YBEY: variants seen among roughly 807,000 people sequenced by gnomAD.
YBEY encodes the protein ybeY metalloendoribonuclease, also known as endoribonuclease YbeY.
In YBEY, 15 loss-of-function variants were observed where a neutral mutation model predicts 13.5. The observed-to-expected ratio is 1.11, with a 90% CI of 0.75 to 1.72. The LOEUF (loss-of-function observed/expected upper bound fraction) is 1.72. YBEY is among the 40% of genes most tolerant of loss of function. YBEY has a pLI of 0.00. For missense variants in YBEY, 244 were observed against 208.4 expected (o/e 1.17, Z -1.05); for synonymous variants, 101 against 83.1 (o/e 1.21, Z -1.17).
At chr21:46,303,735 ATATATATATATT>A in the YBEY span, among the ~76,000 whole-genome samples, 36 of 28,108 alleles carry the variant, frequency 1.3e-3, no homozygotes, top group South Asian at 6.7e-3. Flanking sequence ...ATATATATAT[ATATATATATATT>A]TTTTTTTTTT....
At chr21:46,297,004 AAAAG>A (rs1022812230) in intron 4 of YBEY, among the ~76,000 whole-genome samples, 2 of 149,954 alleles carry the variant, frequency 1.3e-5, no homozygotes, top group Non-Finnish European at 3.0e-5. Context: ...CTCAAAAAGA[AAAAG>A]AAAAAGTTGG....
At chr21:46,290,456 G>A (rs529081514) in intron 2 of YBEY, among the ~76,000 whole-genome samples, 1 of 151,772 alleles carries the variant, frequency 6.6e-6, no homozygotes, top group African/African-American at 2.4e-5. Context: ...TGCCCGCCTC[G>A]GCCTCCCAAA....
At chr21:46,302,717 C>T, downstream of YBEY, 1 of 683,828 alleles carries the variant, frequency 1.5e-6, no homozygotes, top group South Asian at 1.8e-5. Flanking sequence ...TCCGTCTGCA[C>T]ACGGTGCGGG....
intron 2 of YBEY, among the ~76,000 whole-genome samples, chr21:46,290,437 C>T (rs2081652137): frequency 6.6e-6 from 1 of 151,996 alleles, no homozygotes; most frequent in African/African-American, 2.4e-5. Context: ...AACCCCTGAC[C>T]TCTTGATCTG....
intron 1 of YBEY, chr21:46,286,647 A>G: frequency 6.5e-6 from 1 of 153,316 alleles, no homozygotes. Context: ...TTTCTCTGGG[A>G]ACCGCTCCTT....
chr21:46,300,503 T>G, downstream of YBEY: 1 of 301,976 alleles, frequency 3.3e-6, no homozygotes, highest in South Asian at 6.3e-5. Flanking sequence ...GGAAATGGAG[T>G]CTGAGCTTTG....
chr21:46,290,222 G>C (rs79731209), intron 2 of YBEY, among the ~76,000 whole-genome samples: 1 of 137,066 alleles, frequency 7.3e-6, no homozygotes, highest in Non-Finnish European at 1.6e-5. Context: ...TTTTTTTTTT[G>C]AGACGGAGTC....
chr21:46,302,140 C>A, downstream of YBEY: 1 of 1,501,682 alleles, frequency 6.7e-7, no homozygotes, highest in South Asian at 1.3e-5. Flanking sequence ...CCCTCGGGGG[C>A]ACATGTGGCG....
intron 2 of YBEY, among the ~76,000 whole-genome samples, chr21:46,287,577 T>G (rs2081509465): frequency 6.6e-6 from 1 of 152,190 alleles, no homozygotes; most frequent in Non-Finnish European, 1.5e-5. Flanking sequence ...ACATGATTTT[T>G]AATTTTAATT....
the YBEY span, among the ~76,000 whole-genome samples, chr21:46,304,776 C>A: frequency 1.3e-5 from 2 of 152,132 alleles, no homozygotes; most frequent in Non-Finnish European, 2.9e-5. Context: ...AAGGACTGTG[C>A]AGATGTAAGC....
At position 46,296,534 on chromosome 21, in the gene YBEY, G is replaced by A. The variant is rs561872394; in HGVS notation, c.408+304G>A. Among the ~76,000 whole-genome samples the A allele has an allele frequency of 6.4e-4, 97 of 152,320 alleles. 1 individual carries two copies. The South Asian group carries it at 0.019, about 30-fold the overall frequency. ...AGACTAGGCCAGACCCAGGGCGGAGGCGGGAGCTCTGCGTGGAGTGAGTTC... is the reference window on the plus strand; with the variant it reads ...AGACTAGGCCAGACCCAGGGCGGAGACGGGAGCTCTGCGTGGAGTGAGTTC... On this transcript the variant is annotated intron_variant, in intron 4 of 4. Transcript: ENST00000397701.
chr21:46,295,665 C>T (rs2081928045), intron 3 of YBEY, among the ~76,000 whole-genome samples: 1 of 152,194 alleles, frequency 6.6e-6, no homozygotes, highest in East Asian at 1.9e-4. Context: ...CCTGTGCTGC[C>T]TGTGCCCCAA....
chr21:46,295,002 C>T (rs2081903348), intron 3 of YBEY, among the ~76,000 whole-genome samples: 2 of 152,124 alleles, frequency 1.3e-5, no homozygotes, highest in African/African-American at 4.8e-5. Flanking sequence ...CCATGCACAC[C>T]CTGCTGGGGA....
intron 3 of YBEY, chr21:46,291,720 G>A (rs1725348471): frequency 8.0e-7 from 1 of 1,246,498 alleles, no homozygotes; most frequent in South Asian, 1.9e-5. Flanking sequence ...TATCTCTGGA[G>A]TAGAGCAGAC....
At chr21:46,313,164 C>A in the YBEY span, 2 of 565,492 alleles carry the variant, frequency 3.5e-6, no homozygotes, top group African/African-American at 2.0e-5. Flanking sequence ...ATGAAAGCAG[C>A]TACGGACAAT....
At chr21:46,311,699 C>G in the YBEY span, 3 of 469,764 alleles carry the variant, frequency 6.4e-6, no homozygotes, top group Admixed American at 1.0e-4. Context: ...ATCCAACCAA[C>G]CAACCAACCA....
chr21:46,309,289 C>T, the YBEY span, among the ~76,000 whole-genome samples: 1 of 151,978 alleles, frequency 6.6e-6, no homozygotes, highest in Non-Finnish European at 1.5e-5. Flanking sequence ...GGTGAAACCC[C>T]GTCTCTACTA....
At chr21:46,296,925 CG>C (rs2081971085) in intron 4 of YBEY, among the ~76,000 whole-genome samples, 1 of 148,082 alleles carries the variant, frequency 6.8e-6, no homozygotes, top group Non-Finnish European at 1.5e-5. Flanking sequence ...ACCCAGGAGG[CG>C]GAGGTTGTGG....
the YBEY span, among the ~76,000 whole-genome samples, chr21:46,304,782 T>G: frequency 6.6e-6 from 1 of 152,178 alleles, no homozygotes; most frequent in Non-Finnish European, 1.5e-5. Context: ...TGTGCAGATG[T>G]AAGCCTGGAA....
Sources: allele counts gnomAD v4.1 joint callset (sites outside exome capture counted in the v4.1 genomes callset), GRCh38; gene constraint gnomAD v4.1.1; transcripts MANE v1.5; gene names NCBI Gene and HGNC (gene_info 2026-07-23, HGNC 2026-07-21).